MAGEA10: variants seen among roughly 807,000 people sequenced by gnomAD.
MAGEA10 encodes the protein MAGE family member A10, also known as melanoma-associated antigen 10.
MAGEA10 carries 7 observed loss-of-function variants against 8.6 expected under a neutral mutation model. The ratio of observed to expected loss-of-function variants is 0.82; its 90% CI spans 0.46 to 1.53. The LOEUF is 1.53. MAGEA10 is among the 40% of genes most tolerant of loss of function. The probability of loss-of-function intolerance (pLI) is 0.01; values close to 1 mark genes in which losing one functional copy is unlikely to be tolerated. For missense variants in MAGEA10, 293 were observed against 274.0 expected (o/e 1.07, Z -0.49); for synonymous variants, 125 against 107.4 (o/e 1.16, Z -1.02).
At chrX:152,135,869 G>T in intron 2 of MAGEA10, 35 bp from the exon 3 acceptor site, 1 of 287,529 alleles carries the variant, frequency 3.5e-6, no homozygotes. Flanking sequence ...TCCTCAGGAT[G>T]CAGCCGGCAG....
In MAGEA10 at chrX:152,134,767, T is replaced by C. The variant is rs202016657; in HGVS notation, c.854A>G (p.Gln285Arg). ...WVQENYLEYR[Q>R]VPGSDPARYE... ...CCGTGCAGGATCACTGCCAGGCACC[T>C]GCCGGTACTCCAGGTAGTTTTCCTG... Residue 285 changes from glutamine (Q) to arginine (R), a missense_variant, in exon 4 of 4, where the codon CAG becomes CGG. By Grantham distance (43) the Gln-to-Arg change is conservative (BLOSUM62 1). Coordinates refer to ENST00000370323, the MANE Select transcript of MAGEA10 (RefSeq NM_021048.5). 1.6e-4 allele frequency: 192 copies of C among 1,209,748 alleles called. 1 individual carries two copies. In the East Asian group the frequency reaches 5.4e-3, roughly 34 times the overall value.
At chrX:152,135,923 G>A (rs766383199) in intron 2 of MAGEA10, 89 bp from the exon 3 acceptor site, 52 of 233,729 alleles carry the variant, frequency 2.2e-4, no homozygotes, top group Non-Finnish European at 3.5e-4. Flanking sequence ...TGGAGCTGAT[G>A]CAGTGGGGTC....
At chrX:152,137,952 C>T (rs1936715886) in intron 1 of MAGEA10, among the ~76,000 whole-genome samples, 1 of 110,697 alleles carries the variant, frequency 9.0e-6, no homozygotes. Flanking sequence ...GAGTCACCGT[C>T]CCTTGGATTC....
chrX:152,133,881 G>C lies in MAGEA10; in HGVS notation c.*630C>G, dbSNP rs185629643. The C allele has an allele frequency of 2.8e-5, 3 of 107,852 alleles. No homozygotes were observed. The highest frequency in any genetic ancestry group is 2.9e-4 in the East Asian group (1 of 3,435). The allele number at this position is 107,852 out of a possible 1,213,427, so 8.9% of individuals were successfully genotyped here. A position where few individuals can be genotyped will look rare whatever the true frequency, so the allele number is the denominator to read the frequency against. On this transcript the variant is annotated 3_prime_UTR_variant, in exon 4 of 4. Coordinates refer to ENST00000370323, the MANE Select transcript of MAGEA10 (RefSeq NM_021048.5). ...CAGGAGGCGGAAGTTGCAGTGAGCC[G>C]AGACTGCACCACTGCACTCCTGCCA... is the stretch of plus-strand genomic sequence containing the variant.
intron 1 of MAGEA10, among the ~76,000 whole-genome samples, 168 bp downstream of exon 1, chrX:152,138,307 C>A (rs1432788158): frequency 2.0e-5 from 1 of 50,593 alleles, no homozygotes; most frequent in Admixed American, 3.2e-4. Flanking sequence ...GAGTCCCCTG[C>A]GGCTTAAGCG....
In MAGEA10 at chrX:152,134,237, C is replaced by T. The variant is rs1416585883; in HGVS notation, c.*274G>A. 1 of 309,550 alleles carries T rather than the reference C, an allele frequency of 3.2e-6. No individual in the cohort carries two copies. The highest frequency in any genetic ancestry group is 2.7e-5 in the African/African-American group (1 of 37,647). The allele number at this position is 309,550 out of a possible 1,213,427, so 25.5% of individuals were successfully genotyped here. A position where few individuals can be genotyped will look rare whatever the true frequency, so the allele number is the denominator to read the frequency against. On this transcript the variant is annotated 3_prime_UTR_variant, in exon 4 of 4. Coordinates refer to ENST00000370323, the MANE Select transcript of MAGEA10 (RefSeq NM_021048.5). ...AAATCAGGTAGTGTATCCATCACCT[C>T]ATGCATTTATCATTTCTTTTTGGTG...
rs1165407376 is a variant in MAGEA10, at chrX:152,133,521, C to T, written c.*990G>A. On this transcript the variant is annotated 3_prime_UTR_variant, in exon 4 of 4. Coordinates refer to ENST00000370323, the MANE Select transcript of MAGEA10 (RefSeq NM_021048.5). Reference sequence around the variant, plus strand: ...AGATTACAAATATGATGGAAGGGTTCCCAATTTGTTTTACAAAATAGCAAA... The same window carrying T: ...AGATTACAAATATGATGGAAGGGTTTCCAATTTGTTTTACAAAATAGCAAA... 4 of 111,720 alleles carry T rather than the reference C, an allele frequency of 3.6e-5. No homozygotes were observed. Among genetic ancestry groups the T allele is most frequent in the Non-Finnish European group, 7.5e-5 (4 of 53,172 alleles). 9.2% of individuals were successfully genotyped at this position (111,720 alleles called of 1,213,427 possible).
Position 152,135,373 on chromosome X carries a change from G to A in MAGEA10, c.248C>T (p.Pro83Leu). Residue 83 changes from proline to leucine, a missense_variant, in exon 4 of 4, where the codon CCT (proline) becomes CTT (leucine). Transcript: ENST00000370323. ...EVSADDETPN[P>L]PQSAQIACSS... Reference sequence around the variant, plus strand: ...GCAGGCTATCTGAGCACTCTGGGGAGGATTTGGTGTCTCATCATCAGCAGA... The same window carrying A: ...GCAGGCTATCTGAGCACTCTGGGGAAGATTTGGTGTCTCATCATCAGCAGA... The A allele has an allele frequency of 8.3e-7, 1 of 1,204,828 alleles. No individual in the cohort carries two copies. Among genetic ancestry groups the A allele is most frequent in the Non-Finnish European group, 1.1e-6 (1 of 891,848 alleles).
chrX:152,136,990 T>C (rs751620242), intron 1 of MAGEA10, 21 bp from the exon 2 acceptor site: 1 of 110,485 alleles, frequency 9.1e-6, no homozygotes, highest in Non-Finnish European at 1.9e-5. Flanking sequence ...AAAACAAAAG[T>C]AAGAAGGAGC....
intron 2 of MAGEA10, 32 bp from the exon 3 acceptor site, chrX:152,135,866 G>T: frequency 3.4e-6 from 1 of 290,046 alleles, no homozygotes; most frequent in Non-Finnish European, 6.2e-6. Context: ...GGCTCCTCAG[G>T]ATGCAGCCGG....
Position 152,135,437 on chromosome X carries a change from A to C in MAGEA10, c.184T>G (p.Ser62Ala), listed in dbSNP as rs1442829230. 1 of 1,192,710 alleles carries C rather than the reference A, an allele frequency of 8.4e-7. No individual in the cohort carries two copies. The highest frequency in any genetic ancestry group is 1.1e-6 in the Non-Finnish European group (1 of 886,408). Residue 62 changes from serine to alanine, a missense_variant, in exon 4 of 4, where the codon TCC (serine) becomes GCC (alanine). Physicochemically the swap from Ser to Ala is moderately conservative, Grantham distance 99. Coordinates refer to ENST00000370323, the MANE Select transcript of MAGEA10 (RefSeq NM_021048.5). ...FPSSSSSSSS[S>A]CYPLIPSTPE... is the part of the protein sequence containing the mutation. ...GTGCTTGGTATTAGAGGATAGCAGG[A>C]GGAGGAGGAGGAAGAGGAGGAGGAG... is the stretch of plus-strand genomic sequence containing the variant.
intron 1 of MAGEA10, 134 bp downstream of exon 1, chrX:152,138,341 T>TGGGGGGGGGGGGAGGGGGG (rs11365460): frequency 7.6e-5 from 2 of 26,419 alleles, no homozygotes; most frequent in Non-Finnish European, 7.6e-5. Flanking sequence ...GGGGCGGGGG[T>TGGGGGGGGGGGGAGGGGGG]GGGGGGGGGG....
At chrX:152,135,932 TCC>T in intron 2 of MAGEA10, 98 bp from the exon 3 acceptor site, 1 of 220,584 alleles carries the variant, frequency 4.5e-6, no homozygotes, top group East Asian at 7.4e-5. Context: ...TGCAGTGGGG[TCC>T]ACTTTGTCCT....
Position 152,135,579 on chromosome X carries a change from T to A in MAGEA10, c.42A>T (p.Glu14Asp). 2 of 1,149,638 alleles carry A rather than the reference T, an allele frequency of 1.7e-6. No individual in the cohort carries two copies. Among genetic ancestry groups the A allele is most frequent in the Non-Finnish European group, 2.3e-6 (2 of 866,013 alleles). 94.7% of individuals were successfully genotyped at this position (1,149,638 alleles called of 1,213,427 possible). Residue 14 changes from glutamate to aspartate, a missense_variant, in exon 4 of 4, where the codon GAA becomes GAT. Transcript: ENST00000370323. Reference protein sequence around the residue: ...APKRQRCMPEEDLQSQSETQG... With the variant: ...APKRQRCMPEDDLQSQSETQG... Reference sequence around the variant, plus strand: ...GTGTCTCACTTTGGGATTGAAGATCTTCTTCAGGCATGCAGCGCTGACGCT... The same window carrying A: ...GTGTCTCACTTTGGGATTGAAGATCATCTTCAGGCATGCAGCGCTGACGCT...
intron 2 of MAGEA10, among the ~76,000 whole-genome samples, 197 bp downstream of exon 2, chrX:152,136,674 G>C (rs1157473370): frequency 9.0e-6 from 1 of 111,226 alleles, no homozygotes; most frequent in Non-Finnish European, 1.9e-5. Context: ...CCCTCCCTCT[G>C]CTGACCCGAG....
intron 2 of MAGEA10, chrX:152,136,225 C>T (rs891181454): frequency 9.0e-6 from 1 of 111,341 alleles, no homozygotes; most frequent in Non-Finnish European, 1.9e-5. Flanking sequence ...GGGCTCTCAC[C>T]TTTCTCCTGG....
chrX:152,136,594 G>A (rs780517866), intron 2 of MAGEA10, among the ~76,000 whole-genome samples: 29 of 110,812 alleles, frequency 2.6e-4, no homozygotes, highest in Middle Eastern at 4.7e-3. Flanking sequence ...GGTAGGGTGG[G>A]GCTGAGTCCT....
chrX:152,135,081 G>T lies in MAGEA10; in HGVS notation c.540C>A (p.Ser180=). The change falls in exon 4 of 4, where the codon TCC becomes TCA. Residue 180 remains serine, a synonymous_variant. Transcript: ENST00000370323. ...DHFPLLFSEA[S]ECMLLVFGID... Reference sequence around the variant, plus strand: ...TGCCAAAGACCAGCAGCATGCACTCGGAGGCTTCACTAAACAACAAAGGGA... The same window carrying T: ...TGCCAAAGACCAGCAGCATGCACTCTGAGGCTTCACTAAACAACAAAGGGA... The T allele has an allele frequency of 8.3e-7, 1 of 1,211,049 alleles. No individual in the cohort carries two copies. The highest frequency in any genetic ancestry group is 1.1e-6 in the Non-Finnish European group (1 of 894,948).
chrX:152,134,643 G>C lies in MAGEA10; in HGVS notation c.978C>G (p.Phe326Leu). The change falls in exon 4 of 4, where the codon TTC becomes TTG. Residue 326 changes from phenylalanine to leucine, a missense_variant. Phe to Leu is a conservative substitution (Grantham distance 22, BLOSUM62 0). Transcript: ENST00000370323. ...TCAAAGCCTCCTCATACCACAGTGG[G>C]AAGGATCTTGGATCACTCCCATTTA... ...AKVNGSDPRS[F>L]PLWYEEALKD... The C allele has an allele frequency of 8.3e-7, 1 of 1,210,452 alleles. No homozygotes were observed. Among genetic ancestry groups the C allele is most frequent in the Non-Finnish European group, 1.1e-6 (1 of 894,887 alleles).
Sources: gnomAD v4.1 joint callset for allele counts (sites outside exome capture counted in the v4.1 genomes callset) on GRCh38, gnomAD v4.1.1 for gene constraint, MANE v1.5 for transcripts, NCBI Gene and HGNC (gene_info 2026-07-23, HGNC 2026-07-21) for gene names.